FGF9: variants seen among roughly 807,000 people sequenced by gnomAD.
FGF9 encodes the protein fibroblast growth factor 9.
FGF9 carries 3 observed loss-of-function variants against 19.9 expected under a neutral mutation model. The ratio of observed to expected loss-of-function variants is 0.15; its 90% confidence interval spans 0.07 to 0.39. FGF9 has a LOEUF of 0.39. Among genes scored for constraint, FGF9 ranks in the 10% least tolerant of loss-of-function variants. FGF9 has a pLI of 1.00. For missense variants in FGF9, 175 were observed against 256.8 expected (o/e 0.68, Z 2.18); for synonymous variants, 107 against 106.9 (o/e 1.00, Z -0.01).
rs17070006 is a variant in FGF9 at position 21,672,598 on chromosome 13, C to A, written c.277+409C>A. 1.2e-3 allele frequency among the ~76,000 whole-genome samples: 180 copies of A among 152,220 alleles called. No homozygotes were observed. The highest frequency in any genetic ancestry group is 4.0e-3 in the African/African-American group (168 of 41,526). ...CTTGAAGGCAGTGGGTATCTTGTGC[C>A]CAAATTAAGGTTTTTTTCCTTTCCC... On this transcript the variant is annotated intron_variant, in intron 1 of 2. Transcript: ENST00000382353. The surrounding 1 kb of genome is among the most constrained non-coding windows in gnomAD (Gnocchi z 4.2).
At position 21,672,099 on chromosome 13, in the gene FGF9, C is replaced by A. The variant is rs1388669943; in HGVS notation, c.187C>A (p.Arg63=). 2 of 1,614,170 alleles carry A rather than the reference C, an allele frequency of 1.2e-6. No homozygotes were observed. The highest frequency in any genetic ancestry group is 3.3e-5 in the Admixed American group (2 of 60,024). The part of the protein sequence containing the change: ...DLDHLKGILR[R]RQLYCRTGFH... ...GGATCATTTAAAGGGGATTCTCAGG[C>A]GGAGGCAGCTATACTGCAGGACTGG... The change falls in exon 1 of 3, where the codon CGG becomes AGG. Residue 63 remains arginine (R), a synonymous_variant. Coordinates refer to ENST00000382353, the MANE Select transcript of FGF9 (RefSeq NM_002010.3). The surrounding 1 kb of genome is among the most constrained non-coding windows in gnomAD (Gnocchi z 4.2).
At chr13:21,692,949 C>A (rs1443718375) in intron 2 of FGF9, among the ~76,000 whole-genome samples, 1 of 152,116 alleles carries the variant, frequency 6.6e-6, no homozygotes, top group Admixed American at 6.6e-5. Flanking sequence ...AAACAAATTT[C>A]TTTTATGAGG....
At chr13:21,695,113 T>TGTGA (rs1555224965) in intron 2 of FGF9, among the ~76,000 whole-genome samples, 10 of 150,964 alleles carry the variant, frequency 6.6e-5, no homozygotes, top group African/African-American at 2.0e-4. Context: ...TGTGTGTGTG[T>TGTGA]GTGAGAGAGA....
intron 2 of FGF9, among the ~76,000 whole-genome samples, chr13:21,682,097 C>G (rs1408765950): frequency 2.0e-5 from 3 of 151,286 alleles, no homozygotes; most frequent in Non-Finnish European, 4.4e-5. Flanking sequence ...CAGCCTGGAA[C>G]TCATGGGCTC....
At chr13:21,677,002 T>C (rs559756301) in intron 1 of FGF9, among the ~76,000 whole-genome samples, 2 of 152,288 alleles carry the variant, frequency 1.3e-5, no homozygotes, top group East Asian at 1.9e-4. Flanking sequence ...TTTCCTGAAA[T>C]AGTCCAGGCA....
intron 1 of FGF9, among the ~76,000 whole-genome samples, chr13:21,679,259 A>G (rs189754476): frequency 1.4e-4 from 21 of 152,334 alleles, no homozygotes; most frequent in African/African-American, 4.8e-4. Context: ...TTGTCCTTAT[A>G]AAAGAATTAG....
Position 21,671,652 on chromosome 13 carries a change from GATATGTTTATCA to G in FGF9, c.-254_-243del. The G allele has an allele frequency of 1.7e-6, 1 of 603,842 alleles. No homozygotes were observed. 37.4% of individuals were successfully genotyped at this position (603,842 alleles called of 1,614,324 possible). On this transcript the variant is annotated 5_prime_UTR_variant, in exon 1 of 3. It removes an upstream start codon present in the reference 5' UTR. Transcript: ENST00000382353. ...GGGGATCTATCTATAGAGATACATA[GATATGTTTATCA>G]ATATGTCAGTGTGTGAGTATAAAGT...
intron 2 of FGF9, among the ~76,000 whole-genome samples, chr13:21,697,934 A>G (rs1262302894): frequency 6.6e-6 from 1 of 151,680 alleles, no homozygotes; most frequent in African/African-American, 2.4e-5. Flanking sequence ...CAGCCTCCCG[A>G]GTAGCTGGGA....
intron 1 of FGF9, among the ~76,000 whole-genome samples, chr13:21,674,933 C>T (rs1251249713): frequency 6.6e-6 from 1 of 150,642 alleles, no homozygotes; most frequent in Admixed American, 6.6e-5. Context: ...ACCCCTCACC[C>T]CTAGAGGTCA....
rs1211056548 is a variant in FGF9 at position 21,672,360 on chromosome 13, C to A, written c.277+171C>A. Reference sequence around the variant, plus strand: ...TCTTGCCAGCTCCGAAAAAAAAATGCCTCCGGAATTGCAGATCTGCTGCTG... The same window carrying A: ...TCTTGCCAGCTCCGAAAAAAAAATGACTCCGGAATTGCAGATCTGCTGCTG... On this transcript the variant is annotated intron_variant, in intron 1 of 2. Transcript: ENST00000382353. This position sits in a 1 kb window ranked among gnomAD's most constrained non-coding sequence, Gnocchi z 4.2. Among the ~76,000 whole-genome samples the A allele has an allele frequency of 6.6e-6, 1 of 152,076 alleles. No homozygotes were observed. The highest frequency in any genetic ancestry group is 1.5e-5 in the Non-Finnish European group (1 of 68,008).
intron 2 of FGF9, among the ~76,000 whole-genome samples, chr13:21,693,511 G>A (rs1299522883): frequency 6.6e-6 from 1 of 152,154 alleles, no homozygotes; most frequent in African/African-American, 2.4e-5. Flanking sequence ...TCTGCCTTGT[G>A]CTTATGTCCA....
At chr13:21,677,701 G>A (rs181848751) in intron 1 of FGF9, among the ~76,000 whole-genome samples, 24 of 152,244 alleles carry the variant, frequency 1.6e-4, no homozygotes, top group African/African-American at 5.1e-4. Context: ...TGACTCCTAC[G>A]TTCAGTTGGT....
At position 21,701,536 on chromosome 13, in the gene FGF9, C is replaced by A; in HGVS notation, c.*101C>A. On this transcript the variant is annotated 3_prime_UTR_variant, in exon 3 of 3. Coordinates refer to ENST00000382353, the MANE Select transcript of FGF9 (RefSeq NM_002010.3). ...TCGCTGTGTCATCACATCAGCTCCA[C>A]TGTTGCCAAACTTTGTCGCATGCAT... is the stretch of plus-strand genomic sequence containing the variant. 6.5e-7 allele frequency: 1 copy of A among 1,529,564 alleles called. No individual in the cohort carries two copies. The highest frequency in any genetic ancestry group is 9.0e-7 in the Non-Finnish European group (1 of 1,105,734). 94.7% of individuals were successfully genotyped at this position (1,529,564 alleles called of 1,614,324 possible).
chr13:21,700,393 A>C (rs1250196788), intron 2 of FGF9, among the ~76,000 whole-genome samples: 2 of 152,118 alleles, frequency 1.3e-5, no homozygotes, highest in East Asian at 3.8e-4. Context: ...TCTCCCAGGG[A>C]CCTGTTAAAA....
chr13:21,671,730 TGC>T lies in FGF9; in HGVS notation c.-182_-181del, dbSNP rs1871771054. 1 of 676,148 alleles carries T rather than the reference TGC, an allele frequency of 1.5e-6. No individual in the cohort carries two copies. Among genetic ancestry groups the T allele is most frequent in the Non-Finnish European group, 2.5e-6 (1 of 393,334 alleles). The allele number at this position is 676,148 out of a possible 1,614,324, so 41.9% of individuals were successfully genotyped here. Reference sequence around the variant, plus strand: ...TATCAGTGGTTTGACCTTGAACCTGTGCCAGTGAAACAGCAGATTACTTTTAT... The same window carrying T: ...TATCAGTGGTTTGACCTTGAACCTGTCAGTGAAACAGCAGATTACTTTTAT... On this transcript the variant is annotated 5_prime_UTR_variant, in exon 1 of 3. Coordinates refer to ENST00000382353, the MANE Select transcript of FGF9 (RefSeq NM_002010.3).
chr13:21,674,551 G>A (rs1871859530), intron 1 of FGF9, among the ~76,000 whole-genome samples: 1 of 151,966 alleles, frequency 6.6e-6, no homozygotes, highest in Non-Finnish European at 1.5e-5. Context: ...CAGGGGCGCC[G>A]CGGCGGGCCC....
At chr13:21,676,984 G>C (rs1016831241) in intron 1 of FGF9, among the ~76,000 whole-genome samples, 3 of 152,202 alleles carry the variant, frequency 2.0e-5, no homozygotes, top group Non-Finnish European at 4.4e-5. Context: ...AAGGTCCGGT[G>C]TGGTGATTTT....
In FGF9 at chr13:21,703,722, G is replaced by GA. The variant is rs1334790935; in HGVS notation, c.*2293dup. 5.3e-5 allele frequency: 8 copies of GA among 151,866 alleles called. No individual in the cohort carries two copies. Among genetic ancestry groups the GA allele is most frequent in the African/African-American group, 1.9e-4 (8 of 41,316 alleles). The allele number at this position is 151,866 out of a possible 1,614,324, so 9.4% of individuals were successfully genotyped here. ...TGTCATAGGTATACTATGTAGCACTGAAAAAATTGATTTTAGGTGACAGCC... is the reference window on the plus strand; with the variant it reads ...TGTCATAGGTATACTATGTAGCACTGAAAAAAATTGATTTTAGGTGACAGCC... On this transcript the variant is annotated 3_prime_UTR_variant, in exon 3 of 3. Transcript: ENST00000382353.
rs1458491786 is a variant in FGF9 at position 21,671,116 on chromosome 13, GC to G, written c.-794del. ...GGGGGCTGCGCAGGAGGAGCGCTCCGCCCGGCTACAACGCTCCGCGAGCCGG... is the reference window on the plus strand; with the variant it reads ...GGGGGCTGCGCAGGAGGAGCGCTCCGCCGGCTACAACGCTCCGCGAGCCGG... On this transcript the variant is annotated 5_prime_UTR_variant, in exon 1 of 3. Coordinates refer to ENST00000382353, the MANE Select transcript of FGF9 (RefSeq NM_002010.3). Among the ~76,000 whole-genome samples the G allele has an allele frequency of 1.3e-5, 2 of 152,070 alleles. No individual in the cohort carries two copies. The highest frequency in any genetic ancestry group is 2.9e-5 in the Non-Finnish European group (2 of 67,956).
Sources: gnomAD v4.1 joint callset for allele counts (sites outside exome capture counted in the v4.1 genomes callset) on GRCh38, gnomAD v4.1.1 for gene constraint, Gnocchi (gnomAD v3.1) non-coding constraint, MANE v1.5 for transcripts, NCBI Gene and HGNC (gene_info 2026-07-23, HGNC 2026-07-21) for gene names.